The following FRMPD4 variants were observed in gnomAD, a reference collection of about 807,000 sequenced individuals.
FRMPD4 encodes FERM and PDZ domain containing 4.
Under a neutral mutation model 94.1 loss-of-function variants are expected in FRMPD4, and 22 were observed. The ratio of observed to expected loss-of-function variants is 0.23; its 90% CI spans 0.17 to 0.33. The LOEUF (loss-of-function observed/expected upper bound fraction) is 0.33, where lower values mean the gene tolerates loss of function less well. Among genes scored for constraint, FRMPD4 ranks in the 10% least tolerant of loss-of-function variants. The pLI, the probability that FRMPD4 is intolerant of heterozygous loss-of-function variation, is 1.00. For missense variants in FRMPD4, 1,111 were observed against 1,339.9 expected, an observed-to-expected ratio of 0.83 and a Z score of 2.67; for synonymous variants, 631 against 548.6, an observed-to-expected ratio of 1.15 and a Z score of -2.10.
chrX:12,489,209 A>G (rs969101405), intron 1 of FRMPD4, among the ~76,000 whole-genome samples: 1 of 112,126 alleles, frequency 8.9e-6, no homozygotes, highest in Non-Finnish European at 1.9e-5. Flanking sequence ...GGAGATAATT[A>G]TTAAATAGAT....
At chrX:12,433,872 A>T (rs1254795334) in intron 1 of FRMPD4, among the ~76,000 whole-genome samples, 1 of 112,135 alleles carries the variant, frequency 8.9e-6, no homozygotes, top group Non-Finnish European at 1.9e-5. Context: ...AGCAGGGCGA[A>T]ATCTCAGCTG....
chrX:12,696,601 A>AAAAAAAAAAAAAAAAAAAC (rs1424493744), intron 9 of FRMPD4, among the ~76,000 whole-genome samples: 1 of 108,452 alleles, frequency 9.2e-6, no homozygotes, highest in Non-Finnish European at 1.9e-5. Flanking sequence ...AAAAAAAAAA[A>AAAAAAAAAAAAAAAAAAAC]AAAAAGACAC....
At chrX:12,265,334 A>G (rs1465096633) in intron 1 of FRMPD4, among the ~76,000 whole-genome samples, 1 of 112,242 alleles carries the variant, frequency 8.9e-6, no homozygotes, top group Non-Finnish European at 1.9e-5. Flanking sequence ...TTTTATGGTA[A>G]ATTAATCGAC....
chrX:11,925,383 G>A (rs1205782929), intron 3 of FRMPD4, among the ~76,000 whole-genome samples: 1 of 111,564 alleles, frequency 9.0e-6, no homozygotes, highest in East Asian at 2.8e-4. Context: ...TCAGGACCTA[G>A]ACTCAGCACG....
chrX:12,590,023 G>T (rs983536986), intron 2 of FRMPD4, among the ~76,000 whole-genome samples: 1 of 112,144 alleles, frequency 8.9e-6, no homozygotes, highest in African/African-American at 3.2e-5. Flanking sequence ...TTATGCTCCA[G>T]TGTGTAGACG....
intron 3 of FRMPD4, among the ~76,000 whole-genome samples, chrX:11,964,830 T>G (rs958492774): frequency 2.7e-5 from 3 of 113,091 alleles, no homozygotes; most frequent in African/African-American, 9.6e-5. Flanking sequence ...CTCACTAGAC[T>G]GAAACTGAGA....
At chrX:12,418,418 GTGCAATCTTGGCTCAC>G (rs1333268179) in intron 1 of FRMPD4, among the ~76,000 whole-genome samples, 32 of 103,202 alleles carry the variant, frequency 3.1e-4, no homozygotes, top group African/African-American at 1.2e-3. Flanking sequence ...GAGTGCAGTG[GTGCAATCTTGGCTCAC>G]TGCAACCTCC....
intron 3 of FRMPD4, among the ~76,000 whole-genome samples, chrX:12,030,026 A>G (rs899856380): frequency 1.8e-5 from 2 of 111,827 alleles, no homozygotes; most frequent in Non-Finnish European, 3.8e-5. Context: ...ATTATTGTAG[A>G]TCAAATGAGA....
intron 1 of FRMPD4, among the ~76,000 whole-genome samples, chrX:12,378,493 G>A (rs1309799864): frequency 8.9e-6 from 1 of 112,465 alleles, no homozygotes; most frequent in Non-Finnish European, 1.9e-5. Flanking sequence ...ATTGCATGGA[G>A]TGGAGTCAAA....
chrX:12,708,254 G>A (rs2041915098), intron 13 of FRMPD4, among the ~76,000 whole-genome samples: 1 of 110,305 alleles, frequency 9.1e-6, no homozygotes. Flanking sequence ...GGCGGATCAC[G>A]AGGTCAAGAG....
At chrX:12,448,954 C>T (rs936578545) in intron 1 of FRMPD4, among the ~76,000 whole-genome samples, 4 of 111,454 alleles carry the variant, frequency 3.6e-5, no homozygotes, top group Non-Finnish European at 7.5e-5. Flanking sequence ...TTGAACAGCC[C>T]ACCTCTGCTC....
intron 4 of FRMPD4, among the ~76,000 whole-genome samples, chrX:12,641,989 T>A (rs935513824): frequency 8.9e-6 from 1 of 111,782 alleles, no homozygotes; most frequent in Non-Finnish European, 1.9e-5. Context: ...GCTTGGCATA[T>A]TTAATCATTA....
intron 4 of FRMPD4, among the ~76,000 whole-genome samples, chrX:12,672,200 G>C (rs745700103): frequency 2.0e-4 from 22 of 112,192 alleles, no homozygotes; most frequent in South Asian, 7.5e-4. Context: ...GTCCGTGGAA[G>C]GTGATGTTGG....
At position 12,716,194 on chromosome X, in the gene FRMPD4, A is replaced by C. The variant is rs774548867; in HGVS notation, c.1735A>C (p.Thr579Pro). The change falls in exon 15 of 17, where the codon ACG (threonine) becomes CCG (proline). Residue 579 changes from threonine (T) to proline (P), a missense_variant. Thr to Pro is a conservative substitution (Grantham distance 38). Around this residue, in one of 8 missense-constraint regions of FRMPD4, gnomAD observed 192 missense variants for 192.5 expected, o/e 1.00. Transcript: ENST00000675598. ...QITYIDSKQK[T>P]VEITDSTMCP... The stretch of plus-strand genomic sequence containing the variant: ...AACATACATAGATTCAAAGCAGAAG[A>C]CGGTGGAGATCACAGACAGCACCAT... 8.3e-7 allele frequency: 1 copy of C among 1,207,268 alleles called. No individual in the cohort carries two copies. Among genetic ancestry groups the C allele is most frequent in the South Asian group, 1.8e-5 (1 of 56,873 alleles).
intron 3 of FRMPD4, among the ~76,000 whole-genome samples, chrX:11,977,137 T>A (rs2054371460): frequency 9.1e-6 from 1 of 109,320 alleles, no homozygotes; most frequent in South Asian, 4.0e-4. Flanking sequence ...GATTGATACA[T>A]GTTGCTGCTG....
chrX:12,020,334 C>T (rs1298423303), intron 3 of FRMPD4, among the ~76,000 whole-genome samples: 4 of 112,336 alleles, frequency 3.6e-5, no homozygotes, highest in African/African-American at 1.3e-4. Context: ...TGGCTTAACA[C>T]AGTGAAGTTT....
intron 3 of FRMPD4, among the ~76,000 whole-genome samples, chrX:12,030,687 C>T (rs904537090): frequency 8.9e-6 from 1 of 111,901 alleles, no homozygotes; most frequent in African/African-American, 3.2e-5. Context: ...CATTAGCAAG[C>T]ACTAGCAGGG....
intron 3 of FRMPD4, among the ~76,000 whole-genome samples, chrX:11,880,890 A>G (rs2053810261): frequency 8.9e-6 from 1 of 111,758 alleles, no homozygotes; most frequent in Admixed American, 9.5e-5. Context: ...TGATCCACCC[A>G]CCTTGACCTC....
intron 1 of FRMPD4, among the ~76,000 whole-genome samples, chrX:12,476,949 G>A (rs1262451230): frequency 3.6e-5 from 4 of 110,287 alleles, no homozygotes; most frequent in Non-Finnish European, 7.7e-5. Context: ...ATTTGACCCA[G>A]CCTGGGTATA....
Sources: gnomAD v4.1 joint callset for allele counts (sites outside exome capture counted in the v4.1 genomes callset) on GRCh38, gnomAD v4.1.1 for gene constraint, gnomAD v4.1.1 regional missense constraint, MANE v1.5 for transcripts, NCBI Gene and HGNC (gene_info 2026-07-23, HGNC 2026-07-21) for gene names.